The following MED6 variants were observed in gnomAD, a reference collection of about 807,000 sequenced individuals.
MED6 encodes the protein mediator complex subunit 6.
MED6 carries 33 observed loss-of-function variants against 37.5 expected under a neutral mutation model. That is an observed-to-expected ratio of 0.88 (90% confidence interval 0.67 to 1.18). MED6 has a LOEUF of 1.18. Ranked by LOEUF, MED6 falls within the 50% of genes most tolerant of loss-of-function variation. MED6 has a pLI of 0.00. For synonymous variants in MED6, 94 were observed against 93.6 expected (o/e 1.00, Z -0.02); for missense variants, 235 against 290.6 (o/e 0.81, Z 1.39).
chr14:70,595,315 C>T (rs367715135), intron 3 of MED6: 4 of 546,452 alleles, frequency 7.3e-6, no homozygotes, highest in Admixed American at 4.0e-5. Context: ...GAAGAGCTGG[C>T]TCAGAAGAAC....
intron 3 of MED6, among the ~76,000 whole-genome samples, chr14:70,593,704 G>A (rs916493328): frequency 1.3e-5 from 2 of 150,726 alleles, no homozygotes; most frequent in East Asian, 1.9e-4. Context: ...GAATTACCTG[G>A]GGACCTTGTT....
rs1885028095 is a variant in MED6, at chr14:70,595,807, C to T, written c.274+804G>A. 2.0e-5 allele frequency: 14 copies of T among 697,162 alleles called. No individual in the cohort carries two copies. The East Asian group carries it at 3.8e-4, about 19-fold the overall frequency. 43.2% of individuals were successfully genotyped at this position (697,162 alleles called of 1,614,324 possible). The stretch of plus-strand genomic sequence containing the variant: ...GCAGAGTGGTGTCTGAGACCAACAA[C>T]ATCAAAATTCTGAGACATTAAGCCA... On this transcript the variant is annotated intron_variant, in intron 3 of 7. Coordinates refer to ENST00000256379, the MANE Select transcript of MED6 (RefSeq NM_005466.4).
At chr14:70,592,251 G>T (rs1455144323) in intron 5 of MED6, among the ~76,000 whole-genome samples, 1 of 152,170 alleles carries the variant, frequency 6.6e-6, no homozygotes, top group Non-Finnish European at 1.5e-5. Flanking sequence ...GACAGTAGCA[G>T]ATTACATGGA....
At position 70,584,194 on chromosome 14, in the gene MED6, GA is replaced by G. The variant is rs759785356; in HGVS notation, c.*618del. ...TCCTTTATGTCTTCAAAGTGCATCT[GA>G]AAAATATCAGTTATGATGAAGAAAA... On this transcript the variant is annotated 3_prime_UTR_variant, in exon 8 of 8. Transcript: ENST00000256379. 8 of 751,090 alleles carry G rather than the reference GA, an allele frequency of 1.1e-5. No individual in the cohort carries two copies. Among genetic ancestry groups the G allele is most frequent in the African/African-American group, 1.0e-4 (6 of 57,844 alleles). The allele number at this position is 751,090 out of a possible 1,614,324, so 46.5% of individuals were successfully genotyped here.
chr14:70,592,801 C>A (rs779296033), intron 5 of MED6, 79 bp downstream of exon 5: 137 of 1,493,718 alleles, frequency 9.2e-5, no homozygotes, highest in Non-Finnish European at 1.1e-4. Flanking sequence ...AAAAGATCAA[C>A]AGCCATTTTC....
intron 3 of MED6, chr14:70,594,953 C>G (rs899123707): frequency 1.7e-6 from 1 of 603,216 alleles, no homozygotes; most frequent in Admixed American, 1.9e-5. Context: ...TACTTCAAGA[C>G]CATCGAGGAC....
At chr14:70,587,550 T>C (rs1444380316) in intron 6 of MED6, among the ~76,000 whole-genome samples, 1 of 152,206 alleles carries the variant, frequency 6.6e-6, no homozygotes, top group Non-Finnish European at 1.5e-5. Flanking sequence ...ATTTTTCTAC[T>C]GTCAGCACTG....
At chr14:70,593,140 AC>A (rs1884934890) in intron 4 of MED6, 152 bp from the exon 5 acceptor site, 1 of 1,278,382 alleles carries the variant, frequency 7.8e-7, no homozygotes, top group African/African-American at 1.5e-5. Context: ...TACTTTGAGC[AC>A]CGACTTGGCT....
intron 1 of MED6, among the ~76,000 whole-genome samples, chr14:70,600,099 T>TA (rs1254137535): frequency 6.6e-6 from 1 of 151,886 alleles, no homozygotes; most frequent in Non-Finnish European, 1.5e-5. Context: ...GTGAAAAAAA[T>TA]ACGACCCCTG....
chr14:70,599,237 T>C (rs991608129), intron 1 of MED6, among the ~76,000 whole-genome samples: 37 of 152,198 alleles, frequency 2.4e-4, no homozygotes, highest in African/African-American at 8.9e-4. Context: ...AAAAATTATA[T>C]AAAGGTAAAA....
chr14:70,600,306 C>A (rs1190968097), intron 1 of MED6, among the ~76,000 whole-genome samples: 1 of 152,158 alleles, frequency 6.6e-6, no homozygotes, highest in African/African-American at 2.4e-5. Flanking sequence ...CATTCCTTCA[C>A]TCCAATAGAA....
chr14:70,588,873 C>A (rs1162660212), intron 6 of MED6, among the ~76,000 whole-genome samples: 1 of 151,926 alleles, frequency 6.6e-6, no homozygotes, highest in African/African-American at 2.4e-5. Flanking sequence ...AATTACCATA[C>A]TTTTCTATAA....
rs1354426633 is a variant in MED6, at chr14:70,595,833, GC to G, written c.274+777del. On this transcript the variant is annotated intron_variant, in intron 3 of 7. Transcript: ENST00000256379. ...ATCAAAATTCTGAGACATTAAGCCAGCAGAAGCAGGGTACCCTTTGAGGAGC... is the reference window on the plus strand; with the variant it reads ...ATCAAAATTCTGAGACATTAAGCCAGAGAAGCAGGGTACCCTTTGAGGAGC... 5 of 686,522 alleles carry G rather than the reference GC, an allele frequency of 7.3e-6. No individual in the cohort carries two copies. In the East Asian group the frequency reaches 1.4e-4, roughly 19 times the overall value. The allele number at this position is 686,522 out of a possible 1,614,324, so 42.5% of individuals were successfully genotyped here. A position where few individuals can be genotyped will look rare whatever the true frequency, so the allele number is the denominator to read the frequency against.
At chr14:70,586,992 A>G (rs1884727523) in intron 6 of MED6, among the ~76,000 whole-genome samples, 1 of 152,166 alleles carries the variant, frequency 6.6e-6, no homozygotes, top group Admixed American at 6.5e-5. Flanking sequence ...TGTACAAACA[A>G]TGCAATTTAG....
chr14:70,590,333 C>A (rs1183123750), intron 6 of MED6, among the ~76,000 whole-genome samples: 1 of 152,186 alleles, frequency 6.6e-6, no homozygotes, highest in Non-Finnish European at 1.5e-5. Context: ...ATTTATTCAA[C>A]AGACTATGTT....
rs181448274 is a variant in MED6 at position 70,583,778 on chromosome 14, G to A, written c.*1035C>T. ...CAGATATAATAAAGTAAAATTGTAC[G>A]AAAGGAATGATTAAAGTACAGTTTT... On this transcript the variant is annotated 3_prime_UTR_variant, in exon 8 of 8. Transcript: ENST00000256379. 74 of 247,420 alleles carry A rather than the reference G, an allele frequency of 3.0e-4. 1 individual carries two copies. In the South Asian group the frequency reaches 7.0e-3, roughly 23 times the overall value. The allele number at this position is 247,420 out of a possible 1,614,324, so 15.3% of individuals were successfully genotyped here.
chr14:70,589,546 T>C (rs560245833), intron 6 of MED6, among the ~76,000 whole-genome samples: 1 of 152,328 alleles, frequency 6.6e-6, no homozygotes, highest in East Asian at 1.9e-4. Flanking sequence ...TGAAAAACAT[T>C]ATACAAAATT....
Position 70,591,538 on chromosome 14 carries a change from A to G in MED6, c.467-157T>C, listed in dbSNP as rs550092098. 3.7e-4 allele frequency: 212 copies of G among 574,700 alleles called. 2 individuals are homozygous for G. The South Asian group carries it at 4.4e-3, about 12-fold the overall frequency. 35.6% of individuals were successfully genotyped at this position (574,700 alleles called of 1,614,324 possible). On this transcript the variant is annotated intron_variant, in intron 5 of 7. Coordinates refer to ENST00000256379, the MANE Select transcript of MED6 (RefSeq NM_005466.4). ...CCAAAATAAGGTAAACACAGCACAT[A>G]TACAGAAGTGTTGTTAACTCTCCCT...
intron 6 of MED6, among the ~76,000 whole-genome samples, chr14:70,589,636 G>A (rs572196111): frequency 6.6e-6 from 1 of 152,232 alleles, no homozygotes; most frequent in Admixed American, 6.5e-5. Flanking sequence ...CTGGAGGCCT[G>A]TTATGTTTAT....
Sources: allele counts gnomAD v4.1 joint callset (sites outside exome capture counted in the v4.1 genomes callset), GRCh38; gene constraint gnomAD v4.1.1; transcripts MANE v1.5; gene names NCBI Gene and HGNC (gene_info 2026-07-23, HGNC 2026-07-21).